GTPBP2: variants seen among roughly 807,000 people sequenced by gnomAD.
The protein encoded by GTPBP2 is GTP binding protein 2.
GTPBP2 carries 32 observed loss-of-function variants against 63.0 expected under a neutral mutation model. That is an observed-to-expected ratio of 0.51 (90% CI 0.38 to 0.68). The LOEUF is 0.68. Ranked by LOEUF, GTPBP2 falls within the 30% of genes least tolerant of loss-of-function variation. The probability of loss-of-function intolerance (pLI) is 0.00; values close to 1 mark genes in which losing one functional copy is unlikely to be tolerated. For missense variants in GTPBP2, 492 were observed against 796.9 expected (o/e 0.62, Z 4.61); for synonymous variants, 310 against 322.6 (o/e 0.96, Z 0.42).
chr6:43,626,837 A>AAG lies in GTPBP2; in HGVS notation c.213+84_213+85insCT. 8.8e-7 allele frequency: 1 copy of AAG among 1,141,944 alleles called. No individual in the cohort carries two copies. The highest frequency in any genetic ancestry group is 1.3e-6 in the Non-Finnish European group (1 of 784,612). The allele number at this position is 1,141,944 out of a possible 1,614,324, so 70.7% of individuals were successfully genotyped here. ...GAGCAAAACTTCATCTCAAAAAAAA[A>AAG]AAAGAAAGAAAGAAAAAAGAAATTA... On this transcript the variant is annotated intron_variant, in intron 2 of 11. Coordinates refer to ENST00000307126, the MANE Select transcript of GTPBP2 (RefSeq NM_019096.5). This position sits in a 1 kb window ranked among gnomAD's most constrained non-coding sequence, Gnocchi z 4.0.
chr6:43,620,980 G>T lies in GTPBP2; in HGVS notation c.*634C>A, dbSNP rs529316405. 83 of 182,034 alleles carry T rather than the reference G, an allele frequency of 4.6e-4. 1 individual carries two copies. The highest frequency in any genetic ancestry group is 2.9e-3 in the South Asian group (24 of 8,288). 11.3% of individuals were successfully genotyped at this position (182,034 alleles called of 1,614,324 possible). The stretch of plus-strand genomic sequence containing the variant: ...TGGGGCCTATAAGCCGGGAGGGGAT[G>T]GGGGAGATAGGGACTGGGGAAATGG... On this transcript the variant is annotated 3_prime_UTR_variant, in exon 12 of 12. Transcript: ENST00000307126.
At chr6:43,630,245 A>G (rs965738350), upstream of GTPBP2, among the ~76,000 whole-genome samples, 2 of 152,076 alleles carry the variant, frequency 1.3e-5, no homozygotes, top group African/African-American at 4.8e-5. Context: ...TGCACTCTAC[A>G]GAGTACATAC....
chr6:43,627,116 AC>A, intron 1 of GTPBP2, 168 bp from the exon 2 acceptor site: 3 of 670,958 alleles, frequency 4.5e-6, no homozygotes, highest in Non-Finnish European at 7.0e-6. Flanking sequence ...TCCTCTATTC[AC>A]CCCCAGCATA....
In GTPBP2 at chr6:43,622,302, G is replaced by A; in HGVS notation, c.1468-135C>T. ...AACTCTAAACACAAAGACCTCAAAAGACAATAATCAAAACTCTCAGAGGGA... is the reference window on the plus strand; with the variant it reads ...AACTCTAAACACAAAGACCTCAAAAAACAATAATCAAAACTCTCAGAGGGA... On this transcript the variant is annotated intron_variant, in intron 10 of 11. Coordinates refer to ENST00000307126, the MANE Select transcript of GTPBP2 (RefSeq NM_019096.5). This position sits in a 1 kb window ranked among gnomAD's most constrained non-coding sequence, Gnocchi z 5.4. 2 of 738,806 alleles carry A rather than the reference G, an allele frequency of 2.7e-6. No homozygotes were observed. Among genetic ancestry groups the A allele is most frequent in the Admixed American group, 5.7e-5 (2 of 34,956 alleles). The allele number at this position is 738,806 out of a possible 1,614,324, so 45.8% of individuals were successfully genotyped here.
At position 43,626,171 on chromosome 6, in the gene GTPBP2, G is replaced by A; in HGVS notation, c.398+55C>T. Reference sequence around the variant, plus strand: ...CCTCAGGCCCTAGGTAACTGGGTATGCATGGGTCCCCCCAAGTCAGGTAAA... The same window carrying A: ...CCTCAGGCCCTAGGTAACTGGGTATACATGGGTCCCCCCAAGTCAGGTAAA... On this transcript the variant is annotated intron_variant, in intron 3 of 11. Coordinates refer to ENST00000307126, the MANE Select transcript of GTPBP2 (RefSeq NM_019096.5). This position sits in a 1 kb window ranked among gnomAD's most constrained non-coding sequence, Gnocchi z 4.0. The A allele has an allele frequency of 1.3e-6, 2 of 1,524,942 alleles. No individual in the cohort carries two copies. Among genetic ancestry groups the A allele is most frequent in the Middle Eastern group, 2.1e-4 (1 of 4,664 alleles). 94.5% of individuals were successfully genotyped at this position (1,524,942 alleles called of 1,614,324 possible).
chr6:43,621,879 A>G, intron 11 of GTPBP2, 89 bp from the exon 12 acceptor site: 1 of 1,605,106 alleles, frequency 6.2e-7, no homozygotes, highest in Non-Finnish European at 8.5e-7. Context: ...GAGGCCTATC[A>G]GGCCGCTACC....
intron 11 of GTPBP2, 54 bp from the exon 12 acceptor site, chr6:43,621,844 G>A (rs1222938136): frequency 3.7e-6 from 6 of 1,612,574 alleles, no homozygotes; most frequent in Middle Eastern, 1.7e-4. Context: ...CCCATTCTCT[G>A]CCAGCCGTGG....
Position 43,626,184 on chromosome 6 carries a change from C to G in GTPBP2, c.398+42G>C. The G allele has an allele frequency of 6.3e-7, 1 of 1,583,892 alleles. No homozygotes were observed. The highest frequency in any genetic ancestry group is 8.6e-7 in the Non-Finnish European group (1 of 1,156,144). On this transcript the variant is annotated intron_variant, in intron 3 of 11. Coordinates refer to ENST00000307126, the MANE Select transcript of GTPBP2 (RefSeq NM_019096.5). The surrounding 1 kb of genome is among the most constrained non-coding windows in gnomAD (Gnocchi z 4.0). ...GTAACTGGGTATGCATGGGTCCCCC[C>G]AAGTCAGGTAAAGGAGAACTGGTGG...
chr6:43,628,767 T>G, intron 1 of GTPBP2: 1 of 789,710 alleles, frequency 1.3e-6, no homozygotes, highest in Non-Finnish European at 2.3e-6. Context: ...CTCTCCACTC[T>G]TCCTCCCTGA....
chr6:43,629,563 C>CT (rs1769764069), upstream of GTPBP2: 3 of 679,542 alleles, frequency 4.4e-6, no homozygotes, highest in East Asian at 8.1e-5. Context: ...GCCTCGAGGC[C>CT]TGGGGTGGGG....
Position 43,624,457 on chromosome 6 carries a change from GCT to G in GTPBP2, c.1100+51_1100+52del, listed in dbSNP as rs1324331454. 7.6e-7 allele frequency: 1 copy of G among 1,317,534 alleles called. No homozygotes were observed. The highest frequency in any genetic ancestry group is 1.4e-5 in the African/African-American group (1 of 69,488). 81.6% of individuals were successfully genotyped at this position (1,317,534 alleles called of 1,614,324 possible). The stretch of plus-strand genomic sequence containing the variant: ...AGGATATCATGCTTCTGGGCCCTGG[GCT>G]CTGTGGCAGCCTTCCTAGTGGATCA... On this transcript the variant is annotated intron_variant, in intron 7 of 11. Transcript: ENST00000307126. The surrounding 1 kb of genome is among the most constrained non-coding windows in gnomAD (Gnocchi z 5.1).
intron 1 of GTPBP2, among the ~76,000 whole-genome samples, chr6:43,627,673 C>G (rs917032950): frequency 6.6e-6 from 1 of 152,216 alleles, no homozygotes; most frequent in Non-Finnish European, 1.5e-5. Flanking sequence ...CACCCTGTTA[C>G]CTGAGGCTTC....
rs771171290 is a variant in GTPBP2, at chr6:43,624,554, C to A, written c.1056G>T (p.Glu352Asp). The A allele has an allele frequency of 6.2e-7, 1 of 1,614,128 alleles. No individual in the cohort carries two copies. The highest frequency in any genetic ancestry group is 2.2e-5 in the East Asian group (1 of 44,872). The change falls in exon 7 of 12, where the codon GAG (glutamate) becomes GAT (aspartate). Residue 352 changes from glutamate (E) to aspartate (D), a missense_variant. This residue lies in a region of GTPBP2 where 400 missense variants were observed against 710.8 expected (regional missense o/e 0.56). Transcript: ENST00000307126. The surrounding 1 kb of genome is among the most constrained non-coding windows in gnomAD (Gnocchi z 5.1). ...GCTGGGCAGCAGTGACGGCATCATC[C>A]TCAGAGGTGACCAGCATGGGGACCT... ...CHKVPMLVTSEDDAVTAAQQF... is the reference protein window; with the variant it reads ...CHKVPMLVTSDDDAVTAAQQF...
chr6:43,629,265 G>C (rs1015258761), upstream of GTPBP2: 8 of 875,356 alleles, frequency 9.1e-6, no homozygotes, highest in African/African-American at 1.1e-4. Flanking sequence ...TGAGCAGAGT[G>C]GGGTGGGGCT....
chr6:43,626,475 C>T lies in GTPBP2; in HGVS notation c.214-65G>A. 3 of 1,309,228 alleles carry T rather than the reference C, an allele frequency of 2.3e-6. No homozygotes were observed. Among genetic ancestry groups the T allele is most frequent in the South Asian group, 1.2e-5 (1 of 80,354 alleles). 81.1% of individuals were successfully genotyped at this position (1,309,228 alleles called of 1,614,324 possible). ...GTTCCTCCCAAACCTACATGGTCCC[C>T]ACCTGTTCTGCTGCAAGGACCAGGA... On this transcript the variant is annotated intron_variant, in intron 2 of 11. Coordinates refer to ENST00000307126, the MANE Select transcript of GTPBP2 (RefSeq NM_019096.5). The surrounding 1 kb of genome is among the most constrained non-coding windows in gnomAD (Gnocchi z 4.0).
At chr6:43,627,016 A>C in intron 1 of GTPBP2, 68 bp from the exon 2 acceptor site, 4 of 1,377,092 alleles carry the variant, frequency 2.9e-6, no homozygotes, top group Non-Finnish European at 4.1e-6. Flanking sequence ...CTCAATTCCC[A>C]CTGGGTCCAG....
chr6:43,628,426 G>A (rs1197565548), intron 1 of GTPBP2: 5 of 325,032 alleles, frequency 1.5e-5, no homozygotes, highest in Non-Finnish European at 1.8e-5. Flanking sequence ...CCAGCAATCC[G>A]GGTGATTCGA....
Position 43,625,552 on chromosome 6 carries a change from G to A in GTPBP2, c.516C>T (p.Asp172=), listed in dbSNP as rs146964673. 1.4e-4 allele frequency: 232 copies of A among 1,612,680 alleles called. No homozygotes were observed. The East Asian group carries it at 4.7e-3, about 33-fold the overall frequency. ...RKVPDNQQFL[D]LRVAVLGNVD... Reference sequence around the variant, plus strand: ...CATTCCCCAGGACGGCCACACGGAGGTCTAGGAACTGTGGATGAATTGCCA... The same window carrying A: ...CATTCCCCAGGACGGCCACACGGAGATCTAGGAACTGTGGATGAATTGCCA... The change falls in exon 5 of 12, where the codon GAC becomes GAT. Residue 172 remains aspartate (D), a synonymous_variant. Transcript: ENST00000307126. This position sits in a 1 kb window ranked among gnomAD's most constrained non-coding sequence, Gnocchi z 5.1.
rs771981325 is a variant in GTPBP2 at position 43,624,864 on chromosome 6, T to C, written c.880+24A>G. On this transcript the variant is annotated intron_variant, in intron 6 of 11. Coordinates refer to ENST00000307126, the MANE Select transcript of GTPBP2 (RefSeq NM_019096.5). The surrounding 1 kb of genome is among the most constrained non-coding windows in gnomAD (Gnocchi z 5.1). ...GAGAGTCAGCACCCCCCTTCAGCCC[T>C]GTCCCTGCCCTAATGCCTCGTACCA... 3.1e-6 allele frequency: 5 copies of C among 1,611,874 alleles called. No individual in the cohort carries two copies. The highest frequency in any genetic ancestry group is 3.4e-6 in the Non-Finnish European group (4 of 1,178,388).
Sources: allele counts gnomAD v4.1 joint callset (sites outside exome capture counted in the v4.1 genomes callset), GRCh38; gene constraint gnomAD v4.1.1; regional missense constraint gnomAD v4.1.1; non-coding constraint Gnocchi (gnomAD v3.1); transcripts MANE v1.5; gene names NCBI Gene and HGNC (gene_info 2026-07-23, HGNC 2026-07-21).